ZNF107: variants seen among roughly 807,000 people sequenced by gnomAD.
ZNF107 encodes the protein zinc finger protein 107, also known as C2H2 type zinc-finger protein.
A neutral mutation model predicts 12.3 loss-of-function variants in ZNF107; 19 were observed. The ratio of observed to expected loss-of-function variants is 1.55; its 90% CI spans 1.08 to 2.27. The LOEUF is 2.27. Ranked by LOEUF, ZNF107 falls within the 30% of genes most tolerant of loss-of-function variation. The probability of loss-of-function intolerance (pLI) is 0.00; values close to 1 mark genes in which losing one functional copy is unlikely to be tolerated. For missense variants in ZNF107, 958 were observed against 979.9 expected, an observed-to-expected ratio of 0.98 and a Z score of 0.30; for synonymous variants, 317 against 330.5, an observed-to-expected ratio of 0.96 and a Z score of 0.44.
chr7:64,684,973 A>G (rs1368324663), intron 1 of ZNF107, among the ~76,000 whole-genome samples: 1 of 151,936 alleles, frequency 6.6e-6, no homozygotes, highest in Non-Finnish European at 1.5e-5. Context: ...TTACGTTGCC[A>G]CTCTCATTCC....
intron 3 of ZNF107, among the ~76,000 whole-genome samples, chr7:64,705,472 G>A (rs1163318783): frequency 6.6e-6 from 1 of 151,400 alleles, no homozygotes; most frequent in Non-Finnish European, 1.5e-5. Context: ...TTTTTTAATG[G>A]TTGCTTTCTG....
At position 64,707,289 on chromosome 7, in the gene ZNF107, A is replaced by G; in HGVS notation, c.1192A>G (p.Lys398Glu). 1 of 1,613,434 alleles carries G rather than the reference A, an allele frequency of 6.2e-7. No individual in the cohort carries two copies. ...AATTCTAATGGAAGAGAAACCCTAC[A>G]AATGTGAAGAATGTGGCAAAGTCTT... is the stretch of plus-strand genomic sequence containing the variant. ...KKILMEEKPY[K>E]CEECGKVFNQ... The change falls in exon 4 of 4, where the codon AAA becomes GAA. Residue 398 changes from lysine (K) to glutamate (E), a missense_variant. By Grantham distance (56) the Lys-to-Glu change is moderately conservative. Transcript: ENST00000620827.
At chr7:64,703,071 A>G (rs1020883101) in intron 3 of ZNF107, among the ~76,000 whole-genome samples, 1 of 151,994 alleles carries the variant, frequency 6.6e-6, no homozygotes, top group African/African-American at 2.4e-5. Context: ...ATGGCATTCG[A>G]TAAGTTTTGC....
chr7:64,666,158 G>C lies in ZNF107; in HGVS notation c.-125G>C, dbSNP rs6460174. ...GCCTTTGTCTCTGGCTGCAGCCGGA[G>C]CTCCTGCTCTCCTCCTCACTGCTCA... On this transcript the variant is annotated 5_prime_UTR_variant, in exon 1 of 4. Transcript: ENST00000620827. 1,051,005 of 1,328,324 alleles carry C rather than the reference G, an allele frequency of 0.79. 425,603 individuals carry two copies. The highest frequency in any genetic ancestry group is 0.84 in the Non-Finnish European group (788,818 of 942,836). 82.3% of individuals were successfully genotyped at this position (1,328,324 alleles called of 1,614,324 possible). A position where few individuals can be genotyped will look rare whatever the true frequency, so the allele number is the denominator to read the frequency against.
intron 3 of ZNF107, among the ~76,000 whole-genome samples, chr7:64,694,438 C>G (rs961644157): frequency 1.3e-5 from 2 of 152,202 alleles, no homozygotes; most frequent in African/African-American, 4.8e-5. Context: ...CAGAGTTTCA[C>G]AACTCCCTTC....
In ZNF107 at chr7:64,681,164, C is replaced by T. The variant is rs992204789; in HGVS notation, c.4-10084C>T. 8.5e-5 allele frequency among the ~76,000 whole-genome samples: 13 copies of T among 152,172 alleles called. 1 individual carries two copies. The highest frequency in any genetic ancestry group is 4.2e-4 in the South Asian group (2 of 4,816). On this transcript the variant is annotated intron_variant, in intron 1 of 3. Coordinates refer to ENST00000620827, the MANE Select transcript of ZNF107 (RefSeq NM_001282359.2). The stretch of plus-strand genomic sequence containing the variant: ...TTGGCGGCTGAGGAATGACACTGCC[C>T]GAACACCTCGGAGGCCCCATGGACC...
At chr7:64,697,314 A>G (rs984961516) in intron 3 of ZNF107, among the ~76,000 whole-genome samples, 1 of 152,148 alleles carries the variant, frequency 6.6e-6, no homozygotes, top group South Asian at 2.1e-4. Context: ...ATGATTTATA[A>G]TCCTTTGGGT....
chr7:64,711,011 G>A lies in ZNF107; in HGVS notation c.*2355G>A, dbSNP rs966315616. The stretch of plus-strand genomic sequence containing the variant: ...TATTTGTACTTTTATGTAATAAAAT[G>A]CAATGTGTTTAAAAATTTTTGGATT... On this transcript the variant is annotated 3_prime_UTR_variant, in exon 4 of 4. Transcript: ENST00000620827. The A allele has an allele frequency of 6.6e-6, 1 of 152,100 alleles. No individual in the cohort carries two copies. Among genetic ancestry groups the A allele is most frequent in the Non-Finnish European group, 1.5e-5 (1 of 67,976 alleles). The allele number at this position is 152,100 out of a possible 1,614,324, so 9.4% of individuals were successfully genotyped here.
At chr7:64,697,692 A>ATT (rs35100512) in intron 3 of ZNF107, among the ~76,000 whole-genome samples, 4 of 135,210 alleles carry the variant, frequency 3.0e-5, no homozygotes, top group African/African-American at 5.5e-5. Context: ...GAAACATAGC[A>ATT]TTTTTTTTTT....
chr7:64,668,370 T>C (rs1789089074), intron 1 of ZNF107, among the ~76,000 whole-genome samples: 1 of 137,310 alleles, frequency 7.3e-6, no homozygotes, highest in Admixed American at 8.2e-5. Flanking sequence ...TGTGTTCTCA[T>C]TGTTCAATTC....
In ZNF107 at chr7:64,710,093, A is replaced by G. The variant is rs1790835077; in HGVS notation, c.*1437A>G. ...CAGTGAGCTGAAATCACACCACTAC[A>G]CTCCAGCCAAAGCAACAAGAGCAAA... On this transcript the variant is annotated 3_prime_UTR_variant, in exon 4 of 4. Transcript: ENST00000620827. 3 of 171,808 alleles carry G rather than the reference A, an allele frequency of 1.7e-5. No homozygotes were observed. In the Admixed American group the frequency reaches 1.9e-4, roughly 11 times the overall value. 10.6% of individuals were successfully genotyped at this position (171,808 alleles called of 1,614,324 possible). A position where few individuals can be genotyped will look rare whatever the true frequency, so the allele number is the denominator to read the frequency against.
chr7:64,670,443 G>A (rs574433127), intron 1 of ZNF107, among the ~76,000 whole-genome samples: 4 of 152,188 alleles, frequency 2.6e-5, no homozygotes, highest in Non-Finnish European at 4.4e-5. Flanking sequence ...TCAGACTGAG[G>A]GTACCTCAAA....
rs995944892 is a variant in ZNF107, at chr7:64,711,568, A to G, written c.*2912A>G. 3.5e-5 allele frequency: 1 copy of G among 28,518 alleles called. No homozygotes were observed. The highest frequency in any genetic ancestry group is 1.4e-3 in the South Asian group (1 of 696). The allele number at this position is 28,518 out of a possible 1,614,324, so 1.8% of individuals were successfully genotyped here. ...AGAAAATTCTGAGTTCTGAATAAAC[A>G]TTTAAAAAATGTTATATATTTTTCT... is the stretch of plus-strand genomic sequence containing the variant. On this transcript the variant is annotated 3_prime_UTR_variant, in exon 4 of 4. Coordinates refer to ENST00000620827, the MANE Select transcript of ZNF107 (RefSeq NM_001282359.2).
At chr7:64,666,313 G>C (rs981650230) in intron 1 of ZNF107, 28 bp downstream of exon 1, 2 of 1,608,048 alleles carry the variant, frequency 1.2e-6, no homozygotes, top group Non-Finnish European at 1.7e-6. Flanking sequence ...GACATCCCGA[G>C]AGAGGGGGAG....
At chr7:64,680,327 C>T (rs1368067561) in intron 1 of ZNF107, among the ~76,000 whole-genome samples, 2 of 152,130 alleles carry the variant, frequency 1.3e-5, no homozygotes, top group African/African-American at 2.4e-5. Flanking sequence ...GTCTTATAAC[C>T]TCACCTGGAG....
Position 64,691,311 on chromosome 7 carries a change from A to C in ZNF107, c.67A>C (p.Thr23Pro). The change falls in exon 2 of 4, where the codon ACT becomes CCT. Residue 23 changes from threonine (T) to proline (P), a missense_variant. Physicochemically the swap from Thr to Pro is conservative, Grantham distance 38. Transcript: ENST00000620827. ...FSLEEWQCLD[T>P]AQRDLYRNVL... ...TCTGGAGGAGTGGCAATGCCTGGAT[A>C]CTGCACAGCGGGATTTATATAGGAA... is the stretch of plus-strand genomic sequence containing the variant. 6.4e-7 allele frequency: 1 copy of C among 1,552,010 alleles called. No individual in the cohort carries two copies. Among genetic ancestry groups the C allele is most frequent in the Non-Finnish European group, 8.7e-7 (1 of 1,151,594 alleles).
rs187220884 is a variant in ZNF107, at chr7:64,700,164, A to G, written c.227-6160A>G. ...GGTCTGTAATATGGTTTGCATGTCC[A>G]TGTTCTGCAAACCTCATGCTGCAAT... On this transcript the variant is annotated intron_variant, in intron 3 of 3. Coordinates refer to ENST00000620827, the MANE Select transcript of ZNF107 (RefSeq NM_001282359.2). Among the ~76,000 whole-genome samples, 67 of 152,034 alleles carry G rather than the reference A, an allele frequency of 4.4e-4. 1 individual carries two copies. In the East Asian group the frequency reaches 0.01, roughly 23 times the overall value.
At chr7:64,687,586 T>C (rs760132056) in intron 1 of ZNF107, 55 of 984,320 alleles carry the variant, frequency 5.6e-5, no homozygotes, top group Non-Finnish European at 6.4e-5. Context: ...AAATTACCTT[T>C]TGTCATGAAG....
chr7:64,675,178 C>A (rs973206375), intron 1 of ZNF107, among the ~76,000 whole-genome samples: 1 of 152,144 alleles, frequency 6.6e-6, no homozygotes. Flanking sequence ...AGAAATGGTA[C>A]CGGCTCTTCT....
Sources: gnomAD v4.1 joint callset for allele counts (sites outside exome capture counted in the v4.1 genomes callset) on GRCh38, gnomAD v4.1.1 for gene constraint, MANE v1.5 for transcripts, NCBI Gene and HGNC (gene_info 2026-07-23, HGNC 2026-07-21) for gene names.